ADAMTS17: variants seen among roughly 807,000 people sequenced by gnomAD.
ADAMTS17 encodes A disintegrin and metalloproteinase with thrombospondin motifs 17.
A neutral mutation model predicts 141.5 loss-of-function variants in ADAMTS17; 113 were observed. The observed-to-expected ratio is 0.80, with a 90% CI of 0.69 to 0.93. The LOEUF (loss-of-function observed/expected upper bound fraction) is 0.93. Among genes scored for constraint, ADAMTS17 ranks in the 40% least tolerant of loss-of-function variants. The probability of loss-of-function intolerance (pLI) is 0.00; values close to 1 mark genes in which losing one functional copy is unlikely to be tolerated. For synonymous variants in ADAMTS17, 768 were observed against 630.6 expected, an observed-to-expected ratio of 1.22 and a Z score of -3.27; for missense variants, 1,659 against 1,517.9, an observed-to-expected ratio of 1.09 and a Z score of -1.54.
Position 100,240,086 on chromosome 15 carries a change from G to A in ADAMTS17, c.1075+14050C>T, listed in dbSNP as rs183378945. Among the ~76,000 whole-genome samples, 18 of 152,296 alleles carry A rather than the reference G, an allele frequency of 1.2e-4. No homozygotes were observed. In the East Asian group the frequency reaches 3.1e-3, roughly 26 times the overall value. ...ACGTGTACCGGGATCAGCATGGGGGGATCCAATCATCACTGTACTCATTCC... is the reference window on the plus strand; with the variant it reads ...ACGTGTACCGGGATCAGCATGGGGGAATCCAATCATCACTGTACTCATTCC... On this transcript the variant is annotated intron_variant, in intron 7 of 21. Coordinates refer to ENST00000268070, the MANE Select transcript of ADAMTS17 (RefSeq NM_139057.4).
At chr15:100,285,698 C>T (rs1235979228) in intron 3 of ADAMTS17, among the ~76,000 whole-genome samples, 4 of 152,190 alleles carry the variant, frequency 2.6e-5, no homozygotes, top group Admixed American at 6.5e-5. Flanking sequence ...TCCCATGACC[C>T]GCACGAATGC....
intron 15 of ADAMTS17, among the ~76,000 whole-genome samples, chr15:100,080,629 G>C (rs972754397): frequency 6.6e-6 from 1 of 152,124 alleles, no homozygotes; most frequent in Non-Finnish European, 1.5e-5. Context: ...GGTAGTTATC[G>C]ATACCAGCTA....
chr15:100,145,858 C>T (rs1319141400), intron 10 of ADAMTS17, among the ~76,000 whole-genome samples: 3 of 152,222 alleles, frequency 2.0e-5, no homozygotes, highest in Admixed American at 6.5e-5. Flanking sequence ...ATCTTTAACG[C>T]ATCACATTCT....
At chr15:100,024,822 C>T (rs1019447206) in intron 18 of ADAMTS17, among the ~76,000 whole-genome samples, 1 of 152,172 alleles carries the variant, frequency 6.6e-6, no homozygotes, top group African/African-American at 2.4e-5. Context: ...TTTGGATGTT[C>T]CCTGCCGGTC....
intron 9 of ADAMTS17, 42 bp from the exon 10 acceptor site, chr15:100,152,804 C>G (rs372417798): frequency 1.4e-5 from 23 of 1,607,638 alleles, no homozygotes; most frequent in Middle Eastern, 3.3e-4. Flanking sequence ...AATGTACTGC[C>G]TAGGTTTTTT....
intron 7 of ADAMTS17, among the ~76,000 whole-genome samples, chr15:100,210,315 C>G (rs113488857): frequency 0.047 from 6,904 of 147,290 alleles, 366 homozygotes; most frequent in African/African-American, 0.13. Context: ...CTGATCAACA[C>G]TAACATTTGT....
chr15:99,993,048 C>T lies in ADAMTS17; in HGVS notation c.2949G>A (p.Thr983=), dbSNP rs772469909. 3.1e-6 allele frequency: 5 copies of T among 1,614,144 alleles called. No individual in the cohort carries two copies. The highest frequency in any genetic ancestry group is 3.3e-5 in the Admixed American group (2 of 60,026). The change falls in exon 20 of 22, where the codon ACG becomes ACA. Residue 983 remains threonine, a splice_region_variant and synonymous_variant. Coordinates refer to ENST00000268070, the MANE Select transcript of ADAMTS17 (RefSeq NM_139057.4). The surrounding 1 kb of genome is among the most constrained non-coding windows in gnomAD (Gnocchi z 4.3). ...AGAAATGCCAGCAGGCTGCTCTCAC[C>T]GTAGACCAGTCCCCAGTTTTCCACT... The part of the protein sequence containing the change: ...CYEWKTGDWS[T]CSSTCGKGLQ...
intron 3 of ADAMTS17, among the ~76,000 whole-genome samples, chr15:100,286,918 G>A (rs1307534657): frequency 1.3e-5 from 2 of 152,192 alleles, no homozygotes; most frequent in East Asian, 3.8e-4. Context: ...AAGATGAAAC[G>A]GCCATTATAA....
chr15:100,212,212 T>C (rs62036190), intron 7 of ADAMTS17, among the ~76,000 whole-genome samples: 16,491 of 152,106 alleles, frequency 0.11, 1,130 homozygotes, highest in East Asian at 0.29. Flanking sequence ...TGCAACCAAG[T>C]AGGAGAATTC....
chr15:100,004,617 CTTTT>C (rs10591279), intron 18 of ADAMTS17, among the ~76,000 whole-genome samples: 47,839 of 115,072 alleles, frequency 0.42, 7,139 homozygotes, highest in Non-Finnish European at 0.48. Flanking sequence ...TACTGTAATT[CTTTT>C]TTTTTTTTTT....
chr15:99,976,386 C>G, intron 20 of ADAMTS17, 164 bp from the exon 21 acceptor site: 1 of 914,432 alleles, frequency 1.1e-6, no homozygotes, highest in Non-Finnish European at 1.7e-6. Flanking sequence ...GGAGACAGGA[C>G]AGCCTGAGTG....
chr15:100,189,320 GC>G (rs2040834823), intron 8 of ADAMTS17, among the ~76,000 whole-genome samples: 1 of 152,240 alleles, frequency 6.6e-6, no homozygotes, highest in Admixed American at 6.5e-5. Context: ...ATGGAGCGGG[GC>G]TTTGCGAGCT....
At chr15:100,340,980 C>T in intron 2 of ADAMTS17, 59 bp downstream of exon 2, 2 of 1,518,358 alleles carry the variant, frequency 1.3e-6, no homozygotes, top group South Asian at 1.2e-5. Context: ...CCCTCCACGG[C>T]GACCACTCTG....
At chr15:100,244,189 C>T (rs980623250) in intron 7 of ADAMTS17, among the ~76,000 whole-genome samples, 8 of 151,852 alleles carry the variant, frequency 5.3e-5, no homozygotes, top group Non-Finnish European at 7.4e-5. Flanking sequence ...TTCCCTATCA[C>T]CAGAACAGCA....
chr15:100,132,178 G>A (rs1567227846), intron 11 of ADAMTS17, 26 bp from the exon 12 acceptor site: 1 of 1,609,896 alleles, frequency 6.2e-7, no homozygotes, highest in Non-Finnish European at 8.5e-7. Context: ...GAGGGTCGGG[G>A]CCCAGGCACT....
At chr15:100,004,631 T>C (rs2061001568) in intron 18 of ADAMTS17, among the ~76,000 whole-genome samples, 1 of 149,704 alleles carries the variant, frequency 6.7e-6, no homozygotes, top group African/African-American at 2.5e-5. Flanking sequence ...TTTTTTTTTT[T>C]TTTTTTTTGA....
intron 3 of ADAMTS17, among the ~76,000 whole-genome samples, chr15:100,284,842 A>C (rs955400752): frequency 6.6e-6 from 1 of 152,226 alleles, no homozygotes; most frequent in Non-Finnish European, 1.5e-5. Flanking sequence ...TCAGAATAAC[A>C]CATGTGCTGG....
At chr15:100,088,374 G>A (rs2035240268) in intron 15 of ADAMTS17, among the ~76,000 whole-genome samples, 1 of 152,254 alleles carries the variant, frequency 6.6e-6, no homozygotes, top group East Asian at 1.9e-4. Flanking sequence ...CCATGCTCAT[G>A]GGTAGGAAGA....
intron 19 of ADAMTS17, among the ~76,000 whole-genome samples, chr15:99,994,192 C>T (rs1407172268): frequency 2.0e-5 from 3 of 152,158 alleles, no homozygotes; most frequent in Non-Finnish European, 2.9e-5. Flanking sequence ...CTGACACAGG[C>T]GTAAACATAT....
Sources: allele counts gnomAD v4.1 joint callset (sites outside exome capture counted in the v4.1 genomes callset), GRCh38; gene constraint gnomAD v4.1.1; non-coding constraint Gnocchi (gnomAD v3.1); transcripts MANE v1.5; gene names NCBI Gene and HGNC (gene_info 2026-07-23, HGNC 2026-07-21).